Variants in ADGRL3 observed in about 807,000 individuals in gnomAD.
The protein encoded by ADGRL3 is adhesion G protein-coupled receptor L3, also known as calcium-independent alpha-latrotoxin receptor 3.
A neutral mutation model predicts 153.5 loss-of-function variants in ADGRL3; 62 were observed. The ratio of observed to expected loss-of-function variants is 0.40; its 90% CI spans 0.33 to 0.50. The LOEUF (loss-of-function observed/expected upper bound fraction) is 0.50. ADGRL3 is among the 20% of genes least tolerant of loss of function. The pLI is 0.47. For synonymous variants in ADGRL3, 710 were observed against 672.5 expected, an observed-to-expected ratio of 1.06 and a Z score of -0.86; for missense variants, 1,641 against 1,859.4, an observed-to-expected ratio of 0.88 and a Z score of 2.16.
intron 9 of ADGRL3, among the ~76,000 whole-genome samples, chr4:61,824,458 A>AT (rs1432931130): frequency 6.6e-6 from 1 of 152,170 alleles, no homozygotes; most frequent in East Asian, 1.9e-4. Flanking sequence ...AAAATATCCT[A>AT]TTTTTTAATG....
rs372891189 is a variant in ADGRL3, at chr4:62,070,665, C to T, written c.4389C>T (p.Ala1463=). 186 of 1,551,480 alleles carry T rather than the reference C, an allele frequency of 1.2e-4. No individual in the cohort carries two copies. The African/African-American group carries it at 1.7e-3, about 14-fold the overall frequency. The change falls in exon 27 of 27, where the codon GCC becomes GCT. Residue 1463 remains alanine, a synonymous_variant. Coordinates refer to ENST00000683033, the MANE Select transcript of ADGRL3 (RefSeq NM_001387552.1). ...GCATGCCGACACTGGCTGGTGTGGC[C>T]GCCACAGAGAGTGTTACCACCAGCA... The part of the protein sequence containing the change: ...YTSMPTLAGV[A]ATESVTTSTQ...
chr4:61,972,799 G>A (rs1464456164), intron 17 of ADGRL3, among the ~76,000 whole-genome samples: 1 of 152,036 alleles, frequency 6.6e-6, no homozygotes, highest in African/African-American at 2.4e-5. Flanking sequence ...AGCATGGAAT[G>A]TTCTTCCATT....
intron 2 of ADGRL3, among the ~76,000 whole-genome samples, chr4:61,417,401 A>G (rs1409526038): frequency 1.3e-5 from 2 of 151,690 alleles, no homozygotes; most frequent in South Asian, 2.1e-4. Context: ...TGGGAGGATC[A>G]CTCTTGAACC....
intron 13 of ADGRL3, among the ~76,000 whole-genome samples, chr4:61,923,156 G>C (rs2150005182): frequency 6.6e-6 from 1 of 152,278 alleles, no homozygotes; most frequent in South Asian, 2.1e-4. Context: ...GAAGGCTATG[G>C]AAAAAACTCA....
chr4:61,886,640 G>GTTTC, intron 9 of ADGRL3, among the ~76,000 whole-genome samples: 1 of 151,460 alleles, frequency 6.6e-6, no homozygotes, highest in South Asian at 2.1e-4. Context: ...TTGTTTGTTT[G>GTTTC]TTTGTTTGTT....
At chr4:61,897,744 G>T (rs1467935116) in intron 11 of ADGRL3, among the ~76,000 whole-genome samples, 1 of 152,088 alleles carries the variant, frequency 6.6e-6, no homozygotes, top group Non-Finnish European at 1.5e-5. Context: ...GTCTTTCATA[G>T]AATTCATCCC....
chr4:61,869,702 G>T (rs183229159), intron 9 of ADGRL3, among the ~76,000 whole-genome samples: 1 of 151,786 alleles, frequency 6.6e-6, no homozygotes, highest in South Asian at 2.1e-4. Context: ...ACTTTGGGAG[G>T]CTGAGGCGGG....
In ADGRL3 at chr4:61,202,511, G is replaced by T. The variant is rs1455538447; in HGVS notation, c.-240+746G>T. Among the ~76,000 whole-genome samples the T allele has an allele frequency of 6.6e-6, 1 of 152,156 alleles. No individual in the cohort carries two copies. Among genetic ancestry groups the T allele is most frequent in the African/African-American group, 2.4e-5 (1 of 41,434 alleles). On this transcript the variant is annotated intron_variant, in intron 1 of 26. Coordinates refer to ENST00000683033, the MANE Select transcript of ADGRL3 (RefSeq NM_001387552.1). The surrounding 1 kb of genome is among the most constrained non-coding windows in gnomAD (Gnocchi z 5.0). Reference sequence around the variant, plus strand: ...GCTGTGCTGGTAGTGGGCACTGGGCGGGGGGCGGCGGTGTTGCACGAATCC... The same window carrying T: ...GCTGTGCTGGTAGTGGGCACTGGGCTGGGGGCGGCGGTGTTGCACGAATCC...
chr4:62,017,554 G>A (rs2099218238), intron 21 of ADGRL3, among the ~76,000 whole-genome samples: 1 of 151,104 alleles, frequency 6.6e-6, no homozygotes, highest in South Asian at 2.1e-4. Context: ...ATTACATTTT[G>A]TTATTTAATA....
At chr4:61,409,942 A>T (rs1356250354) in intron 2 of ADGRL3, among the ~76,000 whole-genome samples, 1 of 152,078 alleles carries the variant, frequency 6.6e-6, no homozygotes, top group East Asian at 1.9e-4. Flanking sequence ...ATAATATGGT[A>T]CATTTTTGTA....
At chr4:61,918,496 T>G (rs1170648421) in intron 13 of ADGRL3, among the ~76,000 whole-genome samples, 1 of 151,846 alleles carries the variant, frequency 6.6e-6, no homozygotes, top group Non-Finnish European at 1.5e-5. Context: ...AGGGGATGAG[T>G]GTAAAGAGAG....
Position 61,720,367 on chromosome 4 carries a change from C to T in ADGRL3, c.584-10255C>T, listed in dbSNP as rs139022054. On this transcript the variant is annotated intron_variant, in intron 6 of 26. Coordinates refer to ENST00000683033, the MANE Select transcript of ADGRL3 (RefSeq NM_001387552.1). ...CCTCCCAAAGTGCTAGGATTACAGG[C>T]GTGAGCCACCATGCCCGACTAGAGT... Among the ~76,000 whole-genome samples, 195 of 152,238 alleles carry T rather than the reference C, an allele frequency of 1.3e-3. 1 individual carries two copies. The highest frequency in any genetic ancestry group is 2.2e-3 in the Non-Finnish European group (149 of 68,010).
chr4:62,028,771 C>T (rs753397485), intron 21 of ADGRL3, 84 bp from the exon 22 acceptor site: 126 of 1,123,046 alleles, frequency 1.1e-4, no homozygotes, highest in Non-Finnish European at 1.6e-4. Context: ...CCTTTGGGGA[C>T]CAGGAGAATA....
chr4:61,742,692 G>A (rs1405185764), intron 8 of ADGRL3, among the ~76,000 whole-genome samples: 1 of 152,098 alleles, frequency 6.6e-6, no homozygotes, highest in Non-Finnish European at 1.5e-5. Flanking sequence ...TTTACCACTA[G>A]AAAGCTAAAT....
At chr4:61,403,375 T>G (rs1207580321) in intron 2 of ADGRL3, among the ~76,000 whole-genome samples, 1 of 151,996 alleles carries the variant, frequency 6.6e-6, no homozygotes, top group African/African-American at 2.4e-5. Flanking sequence ...GGAAAGGGCC[T>G]GGAAATAGAA....
intron 9 of ADGRL3, among the ~76,000 whole-genome samples, chr4:61,877,318 T>G (rs1051302254): frequency 6.6e-6 from 1 of 152,192 alleles, no homozygotes; most frequent in African/African-American, 2.4e-5. Flanking sequence ...TGATTTCATT[T>G]ATATAACATC....
chr4:61,704,177 C>G (rs2095816804), intron 6 of ADGRL3, among the ~76,000 whole-genome samples: 1 of 152,002 alleles, frequency 6.6e-6, no homozygotes, highest in Admixed American at 6.6e-5. Flanking sequence ...CATAACACAT[C>G]CAAGATTGAT....
intron 8 of ADGRL3, among the ~76,000 whole-genome samples, chr4:61,764,067 T>C (rs1383743171): frequency 2.6e-5 from 4 of 152,220 alleles, no homozygotes; most frequent in African/African-American, 9.6e-5. Context: ...CTGTATTTCC[T>C]GGGGTTTCAG....
At chr4:61,491,244 G>A (rs980189102) in intron 2 of ADGRL3, among the ~76,000 whole-genome samples, 21 of 152,222 alleles carry the variant, frequency 1.4e-4, no homozygotes, top group African/African-American at 4.3e-4. Context: ...GGATTATGAA[G>A]CATTGCTGTA....
Sources: gnomAD v4.1 joint callset for allele counts (sites outside exome capture counted in the v4.1 genomes callset) on GRCh38, gnomAD v4.1.1 for gene constraint, Gnocchi (gnomAD v3.1) non-coding constraint, MANE v1.5 for transcripts, NCBI Gene and HGNC (gene_info 2026-07-23, HGNC 2026-07-21) for gene names.